The following STOX2 variants were observed in gnomAD, a reference collection of about 807,000 sequenced individuals.
STOX2 encodes the protein storkhead-box protein 2.
A neutral mutation model predicts 60.9 loss-of-function variants in STOX2; 28 were observed. That is an observed-to-expected ratio of 0.46 (90% CI 0.34 to 0.63). The LOEUF is 0.63. Ranked by LOEUF, STOX2 falls within the 30% of genes least tolerant of loss-of-function variation. The pLI, the probability that STOX2 is intolerant of heterozygous loss-of-function variation, is 0.01. For missense variants in STOX2, 1,024 were observed against 1,187.7 expected (o/e 0.86, Z 2.03); for synonymous variants, 472 against 463.9 (o/e 1.02, Z -0.22).
In STOX2 at chr4:183,806,683, C is replaced by G. The variant is rs1037737277; in HGVS notation, c.364+8628C>G. Among the ~76,000 whole-genome samples, 5 of 152,202 alleles carry G rather than the reference C, an allele frequency of 3.3e-5. No homozygotes were observed. The highest frequency in any genetic ancestry group is 1.2e-4 in the African/African-American group (5 of 41,454). ...CCCTTCTTCCCCCGACCCCCACTTT[C>G]CCTCCAGGATTTGGACTATTTTTTC... On this transcript the variant is annotated intron_variant, in intron 1 of 2. Transcript: ENST00000513034. The surrounding 1 kb of genome is among the most constrained non-coding windows in gnomAD (Gnocchi z 4.1).
At chr4:183,812,280 A>C (rs1362255437) in intron 1 of STOX2, among the ~76,000 whole-genome samples, 1 of 152,142 alleles carries the variant, frequency 6.6e-6, no homozygotes, top group Non-Finnish European at 1.5e-5. Flanking sequence ...ATTTGCAGTT[A>C]AAATGTGAAA....
In STOX2 at chr4:183,874,973, AT is replaced by A. The variant is rs1560857846; in HGVS notation, c.364+76919del. On this transcript the variant is annotated intron_variant, in intron 1 of 2. Transcript: ENST00000513034. ...AAAAAATATATATATATATATATAT[AT>A]ATATATATATATATATATAAAACTT... Among the ~76,000 whole-genome samples, 1,013 of 110,632 alleles carry A rather than the reference AT, an allele frequency of 9.2e-3. 45 individuals are homozygous for A. Among genetic ancestry groups the A allele is most frequent in the African/African-American group, 0.03 (919 of 30,742 alleles). The allele number at this position is 110,632 out of a possible 152,430, so 72.6% of individuals were successfully genotyped here.
chr4:183,949,828 G>A (rs761007306), intron 1 of STOX2, among the ~76,000 whole-genome samples: 3 of 152,080 alleles, frequency 2.0e-5, no homozygotes, highest in Admixed American at 6.5e-5. Context: ...GGTCTTATCC[G>A]TTTAGACATT....
chr4:183,997,871 GC>G (rs199657934), intron 1 of STOX2, among the ~76,000 whole-genome samples: 1,675 of 152,264 alleles, frequency 0.011, 18 homozygotes, highest in Non-Finnish European at 0.017. Context: ...CAAAGTAAAT[GC>G]CATTCAGACA....
At position 183,821,852 on chromosome 4, in the gene STOX2, G is replaced by T. The variant is rs1288884273; in HGVS notation, c.364+23797G>T. On this transcript the variant is annotated intron_variant, in intron 1 of 2. Transcript: ENST00000513034. The surrounding 1 kb of genome is among the most constrained non-coding windows in gnomAD (Gnocchi z 4.2). ...TGCCCCAGGTTTGTGAGTCTGTAGG[G>T]TGGGGTTCTAGTCACAGAGTTGGAG... 1.3e-5 allele frequency among the ~76,000 whole-genome samples: 2 copies of T among 152,250 alleles called. No homozygotes were observed. Among genetic ancestry groups the T allele is most frequent in the South Asian group, 2.1e-4 (1 of 4,836 alleles).
intron 2 of STOX2, among the ~76,000 whole-genome samples, chr4:184,005,692 C>T (rs546591455): frequency 1.1e-4 from 17 of 152,282 alleles, no homozygotes; most frequent in African/African-American, 3.6e-4. Context: ...TCCATCACAA[C>T]CATCACTTTC....
chr4:183,917,315 G>C (rs949191925), intron 1 of STOX2, among the ~76,000 whole-genome samples: 1 of 152,242 alleles, frequency 6.6e-6, no homozygotes, highest in Non-Finnish European at 1.5e-5. Flanking sequence ...GCAAACTGAA[G>C]GAAACTGGGG....
chr4:183,916,736 T>C (rs1228361253), intron 1 of STOX2, among the ~76,000 whole-genome samples: 1 of 152,216 alleles, frequency 6.6e-6, no homozygotes, highest in Non-Finnish European at 1.5e-5. Context: ...AGTATTGATA[T>C]AAAGAGTGAC....
At chr4:183,916,457 G>A (rs1414560726) in intron 1 of STOX2, among the ~76,000 whole-genome samples, 3 of 152,116 alleles carry the variant, frequency 2.0e-5, no homozygotes, top group South Asian at 4.1e-4. Context: ...TCAGGACCTC[G>A]GCTTCCTTAC....
At chr4:183,813,349 C>T (rs917033084) in intron 1 of STOX2, among the ~76,000 whole-genome samples, 1 of 152,150 alleles carries the variant, frequency 6.6e-6, no homozygotes, top group African/African-American at 2.4e-5. Flanking sequence ...TGCCATTGCC[C>T]TCCAGCTTGG....
rs966893764 is a variant in STOX2 at position 184,018,956 on chromosome 4, T to C, written c.*1672T>C. On this transcript the variant is annotated 3_prime_UTR_variant, in exon 4 of 4. Coordinates refer to ENST00000308497, the MANE Select transcript of STOX2 (RefSeq NM_020225.3). ...ATCCCAAAATAAATCTAGAATATTT[T>C]CACCTCCAATTTCAGTAATTGGCAT... 10 of 152,262 alleles carry C rather than the reference T, an allele frequency of 6.6e-5. No homozygotes were observed. Among genetic ancestry groups the C allele is most frequent in the Admixed American group, 3.9e-4 (6 of 15,284 alleles). 9.4% of individuals were successfully genotyped at this position (152,262 alleles called of 1,614,324 possible).
chr4:183,899,647 G>A lies in STOX2; in HGVS notation c.364+101592G>A, dbSNP rs541549863. Among the ~76,000 whole-genome samples the A allele has an allele frequency of 2.0e-5, 3 of 152,302 alleles. No individual in the cohort carries two copies. In the East Asian group the frequency reaches 5.8e-4, roughly 29 times the overall value. On this transcript the variant is annotated intron_variant, in intron 1 of 2. Transcript: ENST00000513034. ...CTGAGAAAAATGAAGAAGCTGCGAA[G>A]GAAAGTTTGAAGCTAGCAGAGGTTG... is the stretch of plus-strand genomic sequence containing the variant.
At chr4:183,819,251 C>G (rs1327432776) in intron 1 of STOX2, among the ~76,000 whole-genome samples, 1 of 152,086 alleles carries the variant, frequency 6.6e-6, no homozygotes, top group African/African-American at 2.4e-5. Context: ...CCAGCCTGGG[C>G]AACATTGAGC....
intron 1 of STOX2, chr4:183,798,090 T>G (rs1350321421): frequency 8.2e-7 from 1 of 1,223,958 alleles, no homozygotes; most frequent in Non-Finnish European, 1.0e-6. Flanking sequence ...TCCCGTCCCT[T>G]CCCACCGGAT....
At position 184,010,259 on chromosome 4, in the gene STOX2, C is replaced by T; in HGVS notation, c.1421C>T (p.Thr474Ile). 2 of 1,571,388 alleles carry T rather than the reference C, an allele frequency of 1.3e-6. No homozygotes were observed. The highest frequency in any genetic ancestry group is 1.7e-6 in the Non-Finnish European group (2 of 1,158,332). Residue 474 changes from threonine (T) to isoleucine (I), a missense_variant, in exon 3 of 4, where the codon ACA becomes ATA. Physicochemically the swap from Thr to Ile is moderately conservative, Grantham distance 89 (BLOSUM62 -1). Coordinates refer to ENST00000308497, the MANE Select transcript of STOX2 (RefSeq NM_020225.3). The surrounding 1 kb of genome is among the most constrained non-coding windows in gnomAD (Gnocchi z 4.5). ...HSKVHRSHSHTQDRRSRNERS... is the reference protein window; with the variant it reads ...HSKVHRSHSHIQDRRSRNERS... ...AAAGTGCACCGAAGCCACAGCCATA[C>T]ACAGGACCGGAGGTCCAGGAATGAG...
intron 1 of STOX2, among the ~76,000 whole-genome samples, chr4:183,854,559 AG>A (rs1417722762): frequency 6.6e-6 from 1 of 152,248 alleles, no homozygotes; most frequent in Non-Finnish European, 1.5e-5. Flanking sequence ...TTTTATAAAA[AG>A]TAAAAGTGTT....
In STOX2 at chr4:183,865,306, C is replaced by T. The variant is rs370206706; in HGVS notation, c.364+67251C>T. ...TTTATTCTCTCTCTTCTTAGATACT[C>T]GGTTTTAAAGTGACTGGGGTGGGTG... is the stretch of plus-strand genomic sequence containing the variant. On this transcript the variant is annotated intron_variant, in intron 1 of 2. Transcript: ENST00000513034. This position sits in a 1 kb window ranked among gnomAD's most constrained non-coding sequence, Gnocchi z 4.1. 7.2e-5 allele frequency among the ~76,000 whole-genome samples: 11 copies of T among 152,090 alleles called. No individual in the cohort carries two copies. The East Asian group carries it at 7.7e-4, about 11-fold the overall frequency.
intron 1 of STOX2, among the ~76,000 whole-genome samples, chr4:183,959,504 G>T (rs1743352533): frequency 6.6e-6 from 1 of 152,114 alleles, no homozygotes; most frequent in African/African-American, 2.4e-5. Context: ...GTGCATTTTG[G>T]TGATCAAATC....
At chr4:183,860,212 A>G (rs1380685890) in intron 1 of STOX2, among the ~76,000 whole-genome samples, 1 of 152,162 alleles carries the variant, frequency 6.6e-6, no homozygotes, top group Non-Finnish European at 1.5e-5. Context: ...TCACAAATAG[A>G]ACATAGTGCT....
Sources: allele counts gnomAD v4.1 joint callset (sites outside exome capture counted in the v4.1 genomes callset), GRCh38; gene constraint gnomAD v4.1.1; non-coding constraint Gnocchi (gnomAD v3.1); transcripts MANE v1.5; gene names NCBI Gene and HGNC (gene_info 2026-07-23, HGNC 2026-07-21).